ABCD3: variants seen among roughly 807,000 people sequenced by gnomAD.
ABCD3 encodes the protein ATP binding cassette subfamily D member 3, also known as ATP-binding cassette sub-family D member 3.
A neutral mutation model predicts 105.5 loss-of-function variants in ABCD3; 41 were observed. The ratio of observed to expected loss-of-function variants is 0.39; its 90% CI spans 0.30 to 0.50. The LOEUF (loss-of-function observed/expected upper bound fraction) is 0.50. Among genes scored for constraint, ABCD3 ranks in the 20% least tolerant of loss-of-function variants. The probability of loss-of-function intolerance (pLI) is 0.84; values close to 1 mark genes in which losing one functional copy is unlikely to be tolerated. For synonymous variants in ABCD3, 258 were observed against 269.0 expected, an observed-to-expected ratio of 0.96 and a Z score of 0.40; for missense variants, 622 against 806.3, an observed-to-expected ratio of 0.77 and a Z score of 2.77.
chr1:94,484,791 A>T (rs966154239), intron 10 of ABCD3, among the ~76,000 whole-genome samples: 1 of 152,152 alleles, frequency 6.6e-6, no homozygotes, highest in Non-Finnish European at 1.5e-5. Context: ...ATAATCAAAA[A>T]CATAAAAAAA....
chr1:94,423,092 T>G (rs537391193), intron 1 of ABCD3, among the ~76,000 whole-genome samples: 1 of 152,268 alleles, frequency 6.6e-6, no homozygotes, highest in East Asian at 1.9e-4. Context: ...CCACACTCAT[T>G]TTTGGCTTTG....
chr1:94,497,070 C>T (rs931324581), intron 16 of ABCD3, among the ~76,000 whole-genome samples: 2 of 152,058 alleles, frequency 1.3e-5, no homozygotes, highest in Non-Finnish European at 2.9e-5. Context: ...CAAAGTTTTA[C>T]TTAGTTGTCA....
chr1:94,396,434 G>A, the ABCD3 span, among the ~76,000 whole-genome samples: 1 of 152,202 alleles, frequency 6.6e-6, no homozygotes, highest in Non-Finnish European at 1.5e-5. Context: ...GTTACTCTCA[G>A]GAGCTTCCAG....
rs547293050 is a variant in ABCD3 at position 94,518,294 on chromosome 1, C to T, written c.*1165C>T. ...CTGAGTATAATCAATAAGCTAGATA[C>T]GAAATCAGTTTCTCAAACTGAGCTT... On this transcript the variant is annotated 3_prime_UTR_variant, in exon 23 of 23. Transcript: ENST00000370214. 8 of 152,156 alleles carry T rather than the reference C, an allele frequency of 5.3e-5. No homozygotes were observed. The highest frequency in any genetic ancestry group is 1.9e-4 in the East Asian group (1 of 5,176). 9.4% of individuals were successfully genotyped at this position (152,156 alleles called of 1,614,324 possible).
rs1464591763 is a variant in ABCD3 at position 94,498,671 on chromosome 1, C to T, written c.1456C>T (p.Leu486Phe). ...GCGKSSLFRV[L>F]GELWPLFGGR... ...CGGAAAGAGTTCACTTTTCCGTGTTCTTGGTGAAGTAAGTACAAGTTGGCC... is the reference window on the plus strand; with the variant it reads ...CGGAAAGAGTTCACTTTTCCGTGTTTTTGGTGAAGTAAGTACAAGTTGGCC... The change falls in exon 17 of 23, where the codon CTT becomes TTT. Residue 486 changes from leucine (L) to phenylalanine (F), a missense_variant. This residue lies in a region of ABCD3 where 285 missense variants were observed against 352.5 expected (regional missense o/e 0.81). Transcript: ENST00000370214. 1.2e-5 allele frequency: 19 copies of T among 1,609,954 alleles called. No individual in the cohort carries two copies. Among genetic ancestry groups the T allele is most frequent in the Non-Finnish European group, 1.5e-5 (18 of 1,179,204 alleles).
chr1:94,505,073 G>A (rs184032464), intron 20 of ABCD3, among the ~76,000 whole-genome samples: 1 of 152,070 alleles, frequency 6.6e-6, no homozygotes, highest in Non-Finnish European at 1.5e-5. Context: ...GGAAGGGAAT[G>A]GATTTTAGAG....
intron 1 of ABCD3, among the ~76,000 whole-genome samples, chr1:94,453,676 C>G (rs1647383220): frequency 6.6e-6 from 1 of 151,238 alleles, no homozygotes; most frequent in Non-Finnish European, 1.5e-5. Flanking sequence ...AATTTCTTTA[C>G]ATAGAGTTGA....
intron 1 of ABCD3, among the ~76,000 whole-genome samples, chr1:94,420,345 A>G (rs1175728605): frequency 6.6e-6 from 1 of 152,228 alleles, no homozygotes; most frequent in Non-Finnish European, 1.5e-5. Context: ...AACAGAATCT[A>G]TTGGGAAATA....
intron 20 of ABCD3, 31 bp from the exon 21 acceptor site, chr1:94,506,507 T>C (rs1650358607): frequency 6.9e-7 from 1 of 1,457,564 alleles, no homozygotes; most frequent in Non-Finnish European, 9.6e-7. Context: ...TCTGCCTGTG[T>C]TTTACACAAA....
chr1:94,462,637 A>G (rs759249817), intron 2 of ABCD3, among the ~76,000 whole-genome samples: 3 of 152,212 alleles, frequency 2.0e-5, no homozygotes, highest in East Asian at 1.9e-4. Flanking sequence ...AAGTGTTTCA[A>G]CGTTACTCTC....
chr1:94,433,721 A>G (rs1439620450), intron 1 of ABCD3, among the ~76,000 whole-genome samples: 2 of 147,276 alleles, frequency 1.4e-5, no homozygotes, highest in Middle Eastern at 3.7e-3. Flanking sequence ...GTCTTGGCTT[A>G]CTGCAACCTC....
chr1:94,396,650 A>G, the ABCD3 span, among the ~76,000 whole-genome samples: 1 of 152,076 alleles, frequency 6.6e-6, no homozygotes, highest in Non-Finnish European at 1.5e-5. Context: ...GAACAATTTT[A>G]TGTAAATTCT....
At chr1:94,501,730 A>G (rs1650107236) in intron 20 of ABCD3, among the ~76,000 whole-genome samples, 1 of 152,174 alleles carries the variant, frequency 6.6e-6, no homozygotes, top group Admixed American at 6.5e-5. Context: ...CTATTTAGTA[A>G]TAACTTTTCT....
intron 1 of ABCD3, among the ~76,000 whole-genome samples, chr1:94,427,676 T>C (rs1175423248): frequency 6.6e-6 from 1 of 152,252 alleles, no homozygotes; most frequent in Non-Finnish European, 1.5e-5. Context: ...TATTTCACTA[T>C]GTTGACCAGG....
chr1:94,450,379 G>A (rs1660532625), intron 1 of ABCD3, among the ~76,000 whole-genome samples: 1 of 152,250 alleles, frequency 6.6e-6, no homozygotes, highest in Non-Finnish European at 1.5e-5. Flanking sequence ...CTGCAGTACT[G>A]TGACATGTTC....
chr1:94,509,945 T>A (rs2101062871), intron 21 of ABCD3, among the ~76,000 whole-genome samples: 1 of 152,322 alleles, frequency 6.6e-6, no homozygotes. Flanking sequence ...AACCAGCTCC[T>A]GGATTCATTA....
At position 94,480,521 on chromosome 1, in the gene ABCD3, C is replaced by T. The variant is rs1299713122; in HGVS notation, c.742C>T (p.Arg248Ter). 3.7e-6 allele frequency: 6 copies of T among 1,613,634 alleles called. No individual in the cohort carries two copies. Among genetic ancestry groups the T allele is most frequent in the South Asian group, 1.1e-5 (1 of 91,084 alleles). Reference protein sequence around the residue: ...VVSGLFLTRLRRPIGKMTITE... With the variant: ...VVSGLFLTRL ...TTCTGGGCTATTCCTAACTCGACTT[C>T]GAAGACCCATTGGTAAGATGACAAT... Residue 248 changes from arginine to a stop codon, truncating the protein, a stop_gained, in exon 9 of 23, where the codon CGA becomes TGA. Coordinates refer to ENST00000370214, the MANE Select transcript of ABCD3 (RefSeq NM_002858.4). LOFTEE classifies it high-confidence loss of function.
intron 10 of ABCD3, 89 bp downstream of exon 10, chr1:94,483,328 C>A: frequency 1.1e-6 from 1 of 897,072 alleles, no homozygotes; most frequent in Non-Finnish European, 1.9e-6. Context: ...CATACACACA[C>A]ACACAAACAC....
At position 94,425,937 on chromosome 1, in the gene ABCD3, C is replaced by A. The variant is rs138343295; in HGVS notation, c.110+7349C>A. Among the ~76,000 whole-genome samples, 629 of 152,238 alleles carry A rather than the reference C, an allele frequency of 4.1e-3. 5 individuals are homozygous for A. The highest frequency in any genetic ancestry group is 0.015 in the African/African-American group (616 of 41,544). On this transcript the variant is annotated intron_variant, in intron 1 of 22. Coordinates refer to ENST00000370214, the MANE Select transcript of ABCD3 (RefSeq NM_002858.4). ...CTGTGACCTTGGTCAATTTACTTAA[C>A]CTCTTTGAACCTCAGTAGAACAGGG...
Sources: gnomAD v4.1 joint callset for allele counts (sites outside exome capture counted in the v4.1 genomes callset) on GRCh38, gnomAD v4.1.1 for gene constraint, gnomAD v4.1.1 regional missense constraint, MANE v1.5 for transcripts, NCBI Gene and HGNC (gene_info 2026-07-23, HGNC 2026-07-21) for gene names.